Variants in PDGFRL observed in about 807,000 individuals in gnomAD.
PDGFRL encodes platelet derived growth factor receptor like.
In PDGFRL, 46 loss-of-function variants were observed where a neutral mutation model predicts 37.2. The ratio of observed to expected loss-of-function variants is 1.24; its 90% CI spans 0.98 to 1.58. The LOEUF is 1.58. PDGFRL is among the 40% of genes most tolerant of loss of function. PDGFRL has a pLI of 0.00. For missense variants in PDGFRL, 692 were observed against 467.6 expected, an observed-to-expected ratio of 1.48 and a Z score of -4.43; for synonymous variants, 251 against 184.3, an observed-to-expected ratio of 1.36 and a Z score of -2.93.
chr8:17,591,892 G>T (rs1274680514), intron 2 of PDGFRL, among the ~76,000 whole-genome samples: 2 of 152,182 alleles, frequency 1.3e-5, no homozygotes, highest in Non-Finnish European at 2.9e-5. Flanking sequence ...CTCCAGCCTA[G>T]CAACATCGCG....
intron 3 of PDGFRL, among the ~76,000 whole-genome samples, chr8:17,623,848 T>C (rs1166719041): frequency 3.5e-5 from 5 of 141,300 alleles, no homozygotes; most frequent in South Asian, 4.7e-4. Context: ...CACTCCAACC[T>C]GGGCGACAGA....
At chr8:17,639,069 AAAG>A (rs1805039775) in intron 5 of PDGFRL, among the ~76,000 whole-genome samples, 1 of 151,884 alleles carries the variant, frequency 6.6e-6, no homozygotes, top group Admixed American at 6.6e-5. Flanking sequence ...AAACAAACAA[AAAG>A]AATAGCTACT....
In PDGFRL at chr8:17,634,097, A is replaced by G. The variant is rs146955873; in HGVS notation, c.823A>G (p.Thr275Ala). ...VAVPSGPPST[T>A]ILASSNKVKS... Reference sequence around the variant, plus strand: ...AGTTCCCAGTGGCCCTCCCTCAACAACCATCTTGGCTTCTTCAAACAAAGT... The same window carrying G: ...AGTTCCCAGTGGCCCTCCCTCAACAGCCATCTTGGCTTCTTCAAACAAAGT... Residue 275 changes from threonine (T) to alanine (A), a missense_variant, in exon 5 of 6, where the codon ACC becomes GCC. Thr to Ala is a moderately conservative substitution (Grantham distance 58, BLOSUM62 0). Coordinates refer to ENST00000251630, the MANE Select transcript of PDGFRL (RefSeq NM_001372073.1). The G allele has an allele frequency of 3.1e-4, 499 of 1,614,042 alleles. 2 individuals are homozygous for G. In the Middle Eastern group the frequency reaches 3.6e-3, roughly 12 times the overall value.
At chr8:17,620,061 C>T (rs1804600957) in intron 2 of PDGFRL, among the ~76,000 whole-genome samples, 1 of 152,126 alleles carries the variant, frequency 6.6e-6, no homozygotes, top group Admixed American at 6.5e-5. Context: ...TTCTTGTGCT[C>T]AAGCCATCTT....
intron 1 of PDGFRL, among the ~76,000 whole-genome samples, chr8:17,585,531 G>C (rs1357420110): frequency 6.6e-6 from 1 of 152,120 alleles, no homozygotes; most frequent in Admixed American, 6.5e-5. Context: ...TTCCTGTGGG[G>C]TGTTTCATGA....
chr8:17,620,766 C>T (rs1018650636), intron 2 of PDGFRL, among the ~76,000 whole-genome samples: 3 of 151,956 alleles, frequency 2.0e-5, no homozygotes, highest in East Asian at 1.9e-4. Context: ...GCTGAAAAGC[C>T]GAATAATCCA....
intron 2 of PDGFRL, among the ~76,000 whole-genome samples, chr8:17,592,635 T>C (rs1384055247): frequency 1.3e-5 from 2 of 152,156 alleles, no homozygotes; most frequent in Non-Finnish European, 2.9e-5. Flanking sequence ...TCGAGTTTGC[T>C]CTTTCATAGC....
chr8:17,607,416 CAAA>C (rs1247333891), intron 2 of PDGFRL, among the ~76,000 whole-genome samples: 1 of 151,996 alleles, frequency 6.6e-6, no homozygotes, highest in Non-Finnish European at 1.5e-5. Context: ...AAAAAAACAA[CAAA>C]AAAAGTTTCT....
chr8:17,612,747 G>A (rs1804447452), intron 2 of PDGFRL, among the ~76,000 whole-genome samples: 2 of 152,104 alleles, frequency 1.3e-5, no homozygotes, highest in African/African-American at 4.8e-5. Context: ...TAAGCAAAAA[G>A]GAGAAAGATC....
intron 2 of PDGFRL, among the ~76,000 whole-genome samples, chr8:17,616,200 A>C (rs1405339620): frequency 6.8e-6 from 1 of 146,942 alleles, no homozygotes; most frequent in African/African-American, 2.5e-5. Context: ...TTATTTATTT[A>C]TTTATTTATT....
At chr8:17,605,209 T>C (rs527775560) in intron 2 of PDGFRL, among the ~76,000 whole-genome samples, 2 of 152,166 alleles carry the variant, frequency 1.3e-5, no homozygotes, top group East Asian at 3.9e-4. Context: ...ATAAACCGCA[T>C]TGTGAGGGTT....
At chr8:17,634,451 G>A (rs1194575882) in intron 5 of PDGFRL, among the ~76,000 whole-genome samples, 1 of 151,628 alleles carries the variant, frequency 6.6e-6, no homozygotes, top group East Asian at 1.9e-4. Context: ...TCATTAGTCA[G>A]TTTGCTCAAT....
chr8:17,617,929 G>A (rs910974890), intron 2 of PDGFRL, among the ~76,000 whole-genome samples: 17 of 152,126 alleles, frequency 1.1e-4, no homozygotes, highest in African/African-American at 4.1e-4. Context: ...AGCTCTACGG[G>A]AATGTGGCCA....
At chr8:17,636,130 G>C (rs563973132) in intron 5 of PDGFRL, among the ~76,000 whole-genome samples, 1 of 151,806 alleles carries the variant, frequency 6.6e-6, no homozygotes, top group South Asian at 2.1e-4. Context: ...AATTAAGCCC[G>C]ATCTATCTTT....
At chr8:17,580,262 C>G (rs1280149592) in intron 1 of PDGFRL, among the ~76,000 whole-genome samples, 1 of 150,452 alleles carries the variant, frequency 6.6e-6, no homozygotes, top group East Asian at 1.9e-4. Context: ...AGGACAGAGA[C>G]ACAATGACGA....
At position 17,628,810 on chromosome 8, in the gene PDGFRL, A is replaced by C. The variant is rs1271019819; in HGVS notation, c.799+30A>C. The C allele has an allele frequency of 3.3e-6, 5 of 1,535,440 alleles. No homozygotes were observed. In the South Asian group the frequency reaches 4.5e-5, roughly 14 times the overall value. Reference sequence around the variant, plus strand: ...GCCTGGCCACCCCTGCCTAGATTCTAGTTAGTCCCCTGGTCAGTTTCAGGT... The same window carrying C: ...GCCTGGCCACCCCTGCCTAGATTCTCGTTAGTCCCCTGGTCAGTTTCAGGT... On this transcript the variant is annotated intron_variant, in intron 4 of 5. Transcript: ENST00000251630.
At chr8:17,609,371 G>C (rs1804354547) in intron 2 of PDGFRL, among the ~76,000 whole-genome samples, 1 of 151,872 alleles carries the variant, frequency 6.6e-6, no homozygotes, top group Non-Finnish European at 1.5e-5. Flanking sequence ...GCCAGGTGTG[G>C]TAGTGGGCAC....
intron 2 of PDGFRL, among the ~76,000 whole-genome samples, chr8:17,599,617 G>A (rs1804125285): frequency 6.6e-6 from 1 of 152,142 alleles, no homozygotes; most frequent in Non-Finnish European, 1.5e-5. Context: ...TCGCCACGTG[G>A]CCGTGGCTGC....
At chr8:17,614,769 G>A (rs557824616) in intron 2 of PDGFRL, among the ~76,000 whole-genome samples, 28 of 152,206 alleles carry the variant, frequency 1.8e-4, no homozygotes, top group African/African-American at 6.7e-4. Flanking sequence ...TGTAGAGATG[G>A]GGGTCTCTCT....
Sources: gnomAD v4.1 joint callset for allele counts (sites outside exome capture counted in the v4.1 genomes callset) on GRCh38, gnomAD v4.1.1 for gene constraint, MANE v1.5 for transcripts, NCBI Gene and HGNC (gene_info 2026-07-23, HGNC 2026-07-21) for gene names.